SATL1: variants seen among roughly 807,000 people sequenced by gnomAD.
The protein encoded by SATL1 is spermidine/spermine N1-acetyl transferase like 1, also known as spermidine/spermine N(1)-acetyltransferase-like protein 1.
SATL1 carries 47 observed loss-of-function variants against 51.8 expected under a neutral mutation model. That is an observed-to-expected ratio of 0.91 (90% CI 0.72 to 1.16). The LOEUF (loss-of-function observed/expected upper bound fraction) is 1.16. Ranked by LOEUF, SATL1 falls within the 50% of genes most tolerant of loss-of-function variation. The pLI, the probability that SATL1 is intolerant of heterozygous loss-of-function variation, is 0.00. For synonymous variants in SATL1, 176 were observed against 182.4 expected (o/e 0.97, Z 0.28); for missense variants, 520 against 526.4 (o/e 0.99, Z 0.12).
chrX:85,130,587 C>CA (rs1925763915), intron 2 of SATL1, among the ~76,000 whole-genome samples: 3 of 111,180 alleles, frequency 2.7e-5, no homozygotes, highest in Non-Finnish European at 3.8e-5. Context: ...TTGATGTTTT[C>CA]AAAAAACCAG....
At chrX:85,168,040 A>G (rs1180740975) in intron 2 of SATL1, among the ~76,000 whole-genome samples, 4 of 110,832 alleles carry the variant, frequency 3.6e-5, no homozygotes, top group Non-Finnish European at 7.6e-5. Context: ...AAAACACATG[A>G]TTGTCTCAAT....
chrX:85,100,213 C>CA lies in SATL1; in HGVS notation c.1693+3650dup, dbSNP rs1924858354. Among the ~76,000 whole-genome samples the CA allele has an allele frequency of 3.4e-4, 19 of 55,471 alleles. No individual in the cohort carries two copies. The Admixed American group carries it at 3.7e-3, about 11-fold the overall frequency. The allele number at this position is 55,471 out of a possible 115,157, so 48.2% of individuals were successfully genotyped here. On this transcript the variant is annotated intron_variant, in intron 4 of 7. Transcript: ENST00000644105. The stretch of plus-strand genomic sequence containing the variant: ...TGTCTCAAAACAAAACAAAACGAAA[C>CA]AAAAAAACAAAAAAAATCCATAGTA...
chrX:85,208,402 T>C (rs1927835745), intron 2 of SATL1, among the ~76,000 whole-genome samples: 1 of 111,742 alleles, frequency 8.9e-6, no homozygotes, highest in Non-Finnish European at 1.9e-5. Context: ...TTATAATCCT[T>C]TGGGTATATA....
intron 2 of SATL1, among the ~76,000 whole-genome samples, chrX:85,223,948 A>T (rs1456440883): frequency 8.9e-6 from 1 of 111,801 alleles, no homozygotes; most frequent in Non-Finnish European, 1.9e-5. Flanking sequence ...TCAGGAGTTG[A>T]GGAGGAGATC....
intron 2 of SATL1, among the ~76,000 whole-genome samples, chrX:85,214,771 A>C (rs1211433262): frequency 1.8e-5 from 2 of 111,559 alleles, no homozygotes; most frequent in Non-Finnish European, 1.9e-5. Flanking sequence ...AGAAAGGGGG[A>C]ATAAGCCCTA....
chrX:85,151,465 A>G (rs1222575892), intron 2 of SATL1, among the ~76,000 whole-genome samples: 5 of 111,673 alleles, frequency 4.5e-5, no homozygotes, highest in African/African-American at 1.6e-4. Flanking sequence ...CAAAAAAACT[A>G]CTTTAAAGTT....
intron 2 of SATL1, among the ~76,000 whole-genome samples, chrX:85,149,278 A>T (rs1910041374): frequency 9.0e-6 from 1 of 111,602 alleles, no homozygotes; most frequent in Admixed American, 9.5e-5. Context: ...TCCTAAATAT[A>T]TATGCACCCA....
chrX:85,143,264 A>G (rs1445729038), intron 2 of SATL1, among the ~76,000 whole-genome samples: 3 of 111,901 alleles, frequency 2.7e-5, no homozygotes, highest in Admixed American at 1.9e-4. Flanking sequence ...GTACAACCAA[A>G]AAGTTAACTG....
chrX:85,130,777 G>T (rs1925772223), intron 2 of SATL1, among the ~76,000 whole-genome samples: 1 of 111,312 alleles, frequency 9.0e-6, no homozygotes, highest in Admixed American at 9.6e-5. Context: ...TTCTCTTGTG[G>T]GCATTTAGTA....
rs374563900 is a variant in SATL1 at position 85,107,624 on chromosome X, G to T, written c.1345C>A (p.Gln449Lys). ...RGMWQPGMSQ[Q>K]VPSQLGMRQP... ...CTCATGCCTAGTTGGCTGGGGACTT[G>T]CTGGCTCATGCCTGGTTGCCACATG... The change falls in exon 3 of 8, where the codon CAA becomes AAA. Residue 449 changes from glutamine (Q) to lysine (K), a missense_variant. Gln to Lys is a moderately conservative substitution (Grantham distance 53). Around this residue, in one of 3 missense-constraint regions of SATL1, gnomAD observed 488 missense variants for 474.3 expected, o/e 1.03. Coordinates refer to ENST00000644105, the MANE Select transcript of SATL1 (RefSeq NM_001367857.2). 1 of 1,212,106 alleles carries T rather than the reference G, an allele frequency of 8.3e-7. No individual in the cohort carries two copies.
chrX:85,095,124 A>G, intron 4 of SATL1, 128 bp from the exon 5 acceptor site: 2 of 452,867 alleles, frequency 4.4e-6, no homozygotes, highest in East Asian at 3.8e-5. Context: ...ACTGAAGTGA[A>G]TATTTTGGAA....
intron 2 of SATL1, among the ~76,000 whole-genome samples, chrX:85,131,600 C>G (rs1602855479): frequency 9.0e-6 from 1 of 111,170 alleles, no homozygotes; most frequent in South Asian, 3.8e-4. Context: ...GACTCTTTAT[C>G]CAATTTGCCA....
intron 1 of SATL1, among the ~76,000 whole-genome samples, chrX:85,229,071 C>A (rs761291336): frequency 1.4e-3 from 151 of 111,547 alleles, no homozygotes; most frequent in Non-Finnish European, 2.2e-3. Context: ...CTCTTTATCT[C>A]TACTCCACAT....
intron 2 of SATL1, among the ~76,000 whole-genome samples, chrX:85,188,272 G>C (rs1366938794): frequency 9.0e-6 from 1 of 111,319 alleles, no homozygotes; most frequent in Non-Finnish European, 1.9e-5. Context: ...TAACTTTCAA[G>C]CTAATATGGG....
intron 2 of SATL1, among the ~76,000 whole-genome samples, chrX:85,148,636 C>G (rs2147719205): frequency 9.0e-6 from 1 of 111,679 alleles, no homozygotes; most frequent in Admixed American, 9.5e-5. Context: ...ACTCTACAAG[C>G]CAGAAGAGAG....
At chrX:85,130,837 C>G (rs1232371939) in intron 2 of SATL1, among the ~76,000 whole-genome samples, 3 of 111,705 alleles carry the variant, frequency 2.7e-5, no homozygotes, top group Non-Finnish European at 5.7e-5. Context: ...AGAGATTCTG[C>G]TACATTATGT....
At chrX:85,241,580 T>G (rs989093515) in intron 1 of SATL1, among the ~76,000 whole-genome samples, 2 of 112,005 alleles carry the variant, frequency 1.8e-5, no homozygotes, top group Non-Finnish European at 3.8e-5. Context: ...GTTTCTTCCT[T>G]TAAATAAGTA....
chrX:85,172,632 G>A (rs1005946135), intron 2 of SATL1, among the ~76,000 whole-genome samples: 2 of 110,912 alleles, frequency 1.8e-5, no homozygotes, highest in South Asian at 3.7e-4. Flanking sequence ...ATATAGGCAC[G>A]TCTTATGCAA....
chrX:85,097,191 T>C (rs1305903877), intron 4 of SATL1, among the ~76,000 whole-genome samples: 1 of 111,172 alleles, frequency 9.0e-6, no homozygotes, highest in African/African-American at 3.3e-5. Flanking sequence ...TATATGTGAG[T>C]TCAGTAAGAC....
Sources: gnomAD v4.1 joint callset for allele counts (sites outside exome capture counted in the v4.1 genomes callset) on GRCh38, gnomAD v4.1.1 for gene constraint, gnomAD v4.1.1 regional missense constraint, MANE v1.5 for transcripts, NCBI Gene and HGNC (gene_info 2026-07-23, HGNC 2026-07-21) for gene names.